The following TLN2 variants were observed in gnomAD, a reference collection of about 807,000 sequenced individuals.
TLN2 encodes the protein talin 2, also known as talin-2.
TLN2 carries 118 observed loss-of-function variants against 294.7 expected under a neutral mutation model. That is an observed-to-expected ratio of 0.40 (90% CI 0.34 to 0.47). The LOEUF is 0.47. TLN2 is among the 20% of genes least tolerant of loss of function. The probability of loss-of-function intolerance (pLI) is 0.84; values close to 1 mark genes in which losing one functional copy is unlikely to be tolerated. For missense variants in TLN2, 3,083 were observed against 3,282.2 expected (o/e 0.94, Z 1.48); for synonymous variants, 1,431 against 1,304.5 (o/e 1.10, Z -2.09).
rs557491872 is a variant in TLN2, at chr15:62,686,635, T to C, written c.958-6T>C. 2 of 1,610,180 alleles carry C rather than the reference T, an allele frequency of 1.2e-6. No individual in the cohort carries two copies. The highest frequency in any genetic ancestry group is 1.1e-5 in the South Asian group (1 of 90,332). ...GAGCACTGACTCTTGGTATCTCCTG[T>C]TTCAGGAGAAGATGAAAGGCAAGAA... On this transcript the variant is annotated splice_region_variant and splice_polypyrimidine_tract_variant and intron_variant, in intron 11 of 58. Transcript: ENST00000636159.
At position 62,540,744 on chromosome 15, in the gene TLN2, C is replaced by T. The variant is rs2041633855; in HGVS notation, c.-237-48943C>T. On this transcript the variant is annotated intron_variant, in intron 1 of 58. Coordinates refer to ENST00000636159, the MANE Select transcript of TLN2 (RefSeq NM_015059.3). ...GCCTAGGGCGGCATTTGGATTTGATCTCGAAGGGCCTTAGTCAGGGGATTC... is the reference window on the plus strand; with the variant it reads ...GCCTAGGGCGGCATTTGGATTTGATTTCGAAGGGCCTTAGTCAGGGGATTC... 2.0e-5 allele frequency among the ~76,000 whole-genome samples: 3 copies of T among 152,186 alleles called. No homozygotes were observed. In the South Asian group the frequency reaches 6.2e-4, roughly 32 times the overall value.
intron 22 of TLN2, 116 bp downstream of exon 22, chr15:62,712,193 C>G: frequency 2.3e-6 from 3 of 1,283,814 alleles, no homozygotes; most frequent in Non-Finnish European, 3.2e-6. Context: ...TGCTTAAAAC[C>G]TATATGGCTT....
At chr15:62,807,821 A>G (rs569182318) in intron 51 of TLN2, among the ~76,000 whole-genome samples, 1 of 152,294 alleles carries the variant, frequency 6.6e-6, no homozygotes, top group East Asian at 1.9e-4. Context: ...ATCAGACTTG[A>G]CAGGAGTCAC....
intron 1 of TLN2, among the ~76,000 whole-genome samples, chr15:62,522,111 G>T (rs577021160): frequency 6.6e-6 from 1 of 152,314 alleles, no homozygotes; most frequent in Admixed American, 6.5e-5. Context: ...CAGGAAGACT[G>T]TTCAGTTGGT....
intron 1 of TLN2, among the ~76,000 whole-genome samples, chr15:62,576,388 T>A (rs1330845026): frequency 1.3e-5 from 2 of 152,176 alleles, no homozygotes; most frequent in African/African-American, 4.8e-5. Context: ...GAGCACTGTC[T>A]ACTTTGAGGG....
chr15:62,510,664 C>T (rs959277629), intron 1 of TLN2, among the ~76,000 whole-genome samples: 8 of 152,118 alleles, frequency 5.3e-5, no homozygotes, highest in African/African-American at 1.4e-4. Flanking sequence ...TGCTCCAGGG[C>T]GATGCTGTGG....
At chr15:62,575,126 A>G (rs149797872) in intron 1 of TLN2, among the ~76,000 whole-genome samples, 4,225 of 152,248 alleles carry the variant, frequency 0.028, 201 homozygotes, top group African/African-American at 0.097. Context: ...CAGTCTGGGC[A>G]ACATGATGAA....
chr15:62,547,312 G>T (rs2042048954), intron 1 of TLN2, among the ~76,000 whole-genome samples: 1 of 152,140 alleles, frequency 6.6e-6, no homozygotes, highest in South Asian at 2.1e-4. Context: ...CATACAAAAG[G>T]ATTAGACTGT....
chr15:62,770,893 C>T, intron 41 of TLN2, 71 bp from the exon 42 acceptor site: 1 of 1,533,416 alleles, frequency 6.5e-7, no homozygotes, highest in Non-Finnish European at 8.7e-7. Flanking sequence ...CCGCGCCTGA[C>T]TGTGGAGCCC....
At chr15:62,622,396 G>A (rs2048910462) in intron 3 of TLN2, among the ~76,000 whole-genome samples, 1 of 152,140 alleles carries the variant, frequency 6.6e-6, no homozygotes, top group Admixed American at 6.5e-5. Context: ...AGGGACTCCT[G>A]TTCCAGACAA....
At chr15:62,820,830 A>G (rs2067502602) in intron 54 of TLN2, among the ~76,000 whole-genome samples, 1 of 152,210 alleles carries the variant, frequency 6.6e-6, no homozygotes, top group Admixed American at 6.5e-5. Flanking sequence ...AATTCCTCTG[A>G]GTATCCAAAG....
chr15:62,730,532 G>A (rs567719760), intron 28 of TLN2, among the ~76,000 whole-genome samples: 1 of 152,172 alleles, frequency 6.6e-6, no homozygotes, highest in East Asian at 1.9e-4. Context: ...ATTTTCCTTA[G>A]TATTAATCTA....
Position 62,652,115 on chromosome 15 carries a change from C to T in TLN2, c.345C>T (p.Val115=), listed in dbSNP as rs2052658121. The change falls in exon 6 of 59, where the codon GTC becomes GTT. Residue 115 remains valine (V), a synonymous_variant. Coordinates refer to ENST00000636159, the MANE Select transcript of TLN2 (RefSeq NM_015059.3). ...CCAAGACTGTGGGGGAGCTCCTGGT[C>T]ACTATTTGTAGCAGAATAGGTGAGC... ...DDSKTVGELL[V]TICSRIGITN... 2.5e-6 allele frequency: 4 copies of T among 1,601,968 alleles called. No individual in the cohort carries two copies. The highest frequency in any genetic ancestry group is 3.4e-6 in the Non-Finnish European group (4 of 1,173,488).
chr15:62,706,752 A>G (rs142791429), intron 19 of TLN2, among the ~76,000 whole-genome samples: 10 of 152,338 alleles, frequency 6.6e-5, no homozygotes, highest in Admixed American at 2.0e-4. Context: ...CTGATCTACC[A>G]TATCAGCCAC....
intron 1 of TLN2, among the ~76,000 whole-genome samples, chr15:62,400,001 C>T (rs1278847494): frequency 1.3e-5 from 2 of 152,156 alleles, no homozygotes; most frequent in Non-Finnish European, 1.5e-5. Flanking sequence ...GCTGTGTCCT[C>T]ACGCAAAAAT....
At chr15:62,739,177 A>G (rs1246828803) in intron 30 of TLN2, among the ~76,000 whole-genome samples, 171 bp from the exon 31 acceptor site, 1 of 152,210 alleles carries the variant, frequency 6.6e-6, no homozygotes, top group Admixed American at 6.5e-5. Flanking sequence ...ATGGATGTAT[A>G]TGTTGGTGGT....
intron 2 of TLN2, among the ~76,000 whole-genome samples, chr15:62,617,578 G>A (rs993800530): frequency 5.3e-5 from 8 of 152,136 alleles, no homozygotes; most frequent in East Asian, 1.9e-4. Flanking sequence ...CTGTGTTGGT[G>A]GTCACCACCC....
intron 53 of TLN2, 123 bp downstream of exon 53, chr15:62,819,744 C>G (rs2141203140): frequency 1.3e-6 from 1 of 764,906 alleles, no homozygotes; most frequent in Non-Finnish European, 2.1e-6. Context: ...GCCAGGAATA[C>G]AGTGAGGACT....
intron 1 of TLN2, among the ~76,000 whole-genome samples, chr15:62,436,022 C>T (rs1412196276): frequency 6.6e-6 from 1 of 152,168 alleles, no homozygotes; most frequent in African/African-American, 2.4e-5. Flanking sequence ...CCTGCCTTCT[C>T]CACTCTATCA....
Sources: gnomAD v4.1 joint callset for allele counts (sites outside exome capture counted in the v4.1 genomes callset) on GRCh38, gnomAD v4.1.1 for gene constraint, MANE v1.5 for transcripts, NCBI Gene and HGNC (gene_info 2026-07-23, HGNC 2026-07-21) for gene names.